Variants in MROH1 observed in about 807,000 individuals in gnomAD.
The protein encoded by MROH1 is maestro heat-like repeat-containing protein family member 1.
Under a neutral mutation model 116.5 loss-of-function variants are expected in MROH1, and 117 were observed. That is an observed-to-expected ratio of 1.00 (90% CI 0.86 to 1.17). MROH1 has a LOEUF of 1.17. Among genes scored for constraint, MROH1 ranks in the 50% most tolerant of loss-of-function variants. MROH1 has a pLI of 0.00. For missense variants in MROH1, 1,873 were observed against 1,338.5 expected (o/e 1.40, Z -6.23); for synonymous variants, 921 against 583.9 (o/e 1.58, Z -8.32).
Position 144,192,298 on chromosome 8 carries a change from AC to A in MROH1, c.856-8del. The A allele has an allele frequency of 6.3e-7, 1 of 1,580,102 alleles. No individual in the cohort carries two copies. The highest frequency in any genetic ancestry group is 8.6e-7 in the Non-Finnish European group (1 of 1,165,708). ...GTAGGACTGACGGCCTCTTCTCCCT[AC>A]CCGGAGCAGAGCCTGGGCCAGATCC... is the stretch of plus-strand genomic sequence containing the variant. On this transcript the variant is annotated splice_polypyrimidine_tract_variant and intron_variant, in intron 9 of 43. Coordinates refer to ENST00000326134, the MANE Select transcript of MROH1 (RefSeq NM_032450.3).
At chr8:144,241,325 C>T (rs1375955492) in intron 21 of MROH1, 70 bp from the exon 22 acceptor site, 22 of 718,892 alleles carry the variant, frequency 3.1e-5, no homozygotes, top group Middle Eastern at 7.3e-4. Flanking sequence ...CGTGTCCACA[C>T]GTGACAGTGT....
chr8:144,168,980 CTCTT>C (rs754943363), intron 4 of MROH1, among the ~76,000 whole-genome samples: 108 of 152,258 alleles, frequency 7.1e-4, no homozygotes, highest in Non-Finnish European at 1.3e-3. Context: ...TGGGAACTCT[CTCTT>C]CAGCCTCACA....
In MROH1 at chr8:144,245,601, T is replaced by A. The variant is rs886756180; in HGVS notation, c.2871+341T>A. Among the ~76,000 whole-genome samples the A allele has an allele frequency of 8.1e-3, 1,227 of 152,334 alleles. 19 individuals are homozygous for A. The highest frequency in any genetic ancestry group is 0.028 in the African/African-American group (1,165 of 41,570). ...AATGAGAACTTTTATCAGGAACAGG[T>A]ATTAGATTTTGCTAAATATCTTTTT... On this transcript the variant is annotated intron_variant, in intron 29 of 43. Transcript: ENST00000326134.
chr8:144,254,576 G>A lies in MROH1; in HGVS notation c.3429-237G>A, dbSNP rs1843369392. ...CACACCACTGCCCTGGGCCCTGTGTGTATAGGCCCAGATTTTTCTCTGTGT... is the reference window on the plus strand; with the variant it reads ...CACACCACTGCCCTGGGCCCTGTGTATATAGGCCCAGATTTTTCTCTGTGT... On this transcript the variant is annotated intron_variant, in intron 33 of 43. Transcript: ENST00000326134. 11 of 543,332 alleles carry A rather than the reference G, an allele frequency of 2.0e-5. No individual in the cohort carries two copies. The South Asian group carries it at 2.4e-4, about 12-fold the overall frequency. 33.7% of individuals were successfully genotyped at this position (543,332 alleles called of 1,614,324 possible). A position where few individuals can be genotyped will look rare whatever the true frequency, so the allele number is the denominator to read the frequency against.
intron 10 of MROH1, among the ~76,000 whole-genome samples, chr8:144,197,793 A>T (rs1177907282): frequency 2.9e-5 from 4 of 139,394 alleles, no homozygotes; most frequent in African/African-American, 7.8e-5. Context: ...CAAGGAGCAC[A>T]CCGGGGGCGG....
intron 8 of MROH1, 117 bp from the exon 9 acceptor site, chr8:144,191,598 A>G: frequency 7.3e-7 from 1 of 1,370,900 alleles, no homozygotes; most frequent in Non-Finnish European, 9.9e-7. Flanking sequence ...CAGCCCCCGT[A>G]GCACCCACTG....
chr8:144,179,798 T>C (rs913841521), intron 5 of MROH1, among the ~76,000 whole-genome samples: 5 of 152,142 alleles, frequency 3.3e-5, no homozygotes, highest in African/African-American at 1.2e-4. Flanking sequence ...AGAGAGCAAG[T>C]TGCCAGAACT....
intron 12 of MROH1, among the ~76,000 whole-genome samples, chr8:144,204,952 T>TTTTCC (rs1471610419): frequency 2.6e-5 from 4 of 152,248 alleles, no homozygotes; most frequent in Non-Finnish European, 4.4e-5. Flanking sequence ...TTTTCCAAAG[T>TTTTCC]AGCTGTTTAT....
At chr8:144,179,732 C>T in intron 5 of MROH1, 146 bp downstream of exon 5, 2 of 1,052,194 alleles carry the variant, frequency 1.9e-6, no homozygotes, top group Non-Finnish European at 2.7e-6. Flanking sequence ...TCTCATGCAT[C>T]ACCCTGCAGG....
chr8:144,166,099 G>A (rs1383311052), intron 3 of MROH1, among the ~76,000 whole-genome samples: 1 of 151,962 alleles, frequency 6.6e-6, no homozygotes, highest in Non-Finnish European at 1.5e-5. Flanking sequence ...GACTGGTCTT[G>A]AACTCCTGAC....
chr8:144,206,105 G>A lies in MROH1; in HGVS notation c.1141+5564G>A, dbSNP rs181756955. Among the ~76,000 whole-genome samples the A allele has an allele frequency of 2.4e-4, 36 of 152,134 alleles. No homozygotes were observed. The East Asian group carries it at 6.2e-3, about 26-fold the overall frequency. The stretch of plus-strand genomic sequence containing the variant: ...TGCTCTGTCGCCCAGGCTGGAGTGC[G>A]GTGGCACGATCACAGCTCACTGCAG... On this transcript the variant is annotated intron_variant, in intron 12 of 43. Transcript: ENST00000326134.
intron 7 of MROH1, among the ~76,000 whole-genome samples, chr8:144,186,023 C>G (rs55645001): frequency 0.89 from 134,832 of 152,170 alleles, 60,973 homozygotes; most frequent in East Asian, 1. Flanking sequence ...GAGAGTGCCA[C>G]TTCCCAGGCA....
chr8:144,261,639 C>G lies in MROH1; in HGVS notation c.4841-16C>G. On this transcript the variant is annotated splice_polypyrimidine_tract_variant and intron_variant, in intron 43 of 43. Transcript: ENST00000326134. ...GAGGTCACAGCCCGCAGGCAGCCCC[C>G]CTCCTCTACCCCCAGCGCTCCAGAT... 1 of 708,504 alleles carries G rather than the reference C, an allele frequency of 1.4e-6. No individual in the cohort carries two copies. The highest frequency in any genetic ancestry group is 2.6e-6 in the Non-Finnish European group (1 of 388,970). The allele number at this position is 708,504 out of a possible 1,614,324, so 43.9% of individuals were successfully genotyped here.
At chr8:144,178,913 G>C (rs1195769810) in intron 4 of MROH1, among the ~76,000 whole-genome samples, 1 of 152,206 alleles carries the variant, frequency 6.6e-6, no homozygotes, top group Non-Finnish European at 1.5e-5. Flanking sequence ...TGCTTAGGGG[G>C]AGGATGAAGG....
intron 12 of MROH1, chr8:144,213,001 T>C: frequency 1.3e-6 from 1 of 777,862 alleles, no homozygotes; most frequent in East Asian, 2.4e-5. Context: ...CAGGCAGCAC[T>C]AACACCAGAA....
At chr8:144,234,557 C>T (rs1449262447) in intron 14 of MROH1, among the ~76,000 whole-genome samples, 1 of 89,044 alleles carries the variant, frequency 1.1e-5, no homozygotes, top group East Asian at 4.2e-4. Flanking sequence ...TGCTCTGTCT[C>T]CCAGGCTGGA....
At position 144,242,465 on chromosome 8, in the gene MROH1, A is replaced by G; in HGVS notation, c.2275A>G (p.Lys759Glu). The change falls in exon 23 of 44, where the codon AAG becomes GAG. Residue 759 changes from lysine (K) to glutamate (E), a missense_variant. Lys to Glu is a moderately conservative substitution (Grantham distance 56). Coordinates refer to ENST00000326134, the MANE Select transcript of MROH1 (RefSeq NM_032450.3). The part of the protein sequence containing the change: ...ARAPRELVLA[K>E]VESDILRNIC... ...GGCCCCCCGGGAGCTGGTGCTGGCCAAGGTAGAGTCAGACATCCTCCGGAA... is the reference window on the plus strand; with the variant it reads ...GGCCCCCCGGGAGCTGGTGCTGGCCGAGGTAGAGTCAGACATCCTCCGGAA... 1 of 780,684 alleles carries G rather than the reference A, an allele frequency of 1.3e-6. No homozygotes were observed. 48.4% of individuals were successfully genotyped at this position (780,684 alleles called of 1,614,324 possible). A position where few individuals can be genotyped will look rare whatever the true frequency, so the allele number is the denominator to read the frequency against.
chr8:144,221,787 C>T (rs1764230362), intron 13 of MROH1, among the ~76,000 whole-genome samples: 2 of 152,114 alleles, frequency 1.3e-5, no homozygotes, highest in African/African-American at 2.4e-5. Context: ...TCCTCCACAC[C>T]CACCCTGTTC....
At position 144,254,786 on chromosome 8, in the gene MROH1, CAA is replaced by C. The variant is rs1843410147; in HGVS notation, c.3429-25_3429-24del. On this transcript the variant is annotated intron_variant, in intron 33 of 43. Transcript: ENST00000326134. ...CAGGCGCCCTGACCAGCCACGGCCTCAAAGTGACTCTCCTGCTCTGCTCCAGC... is the reference window on the plus strand; with the variant it reads ...CAGGCGCCCTGACCAGCCACGGCCTCAGTGACTCTCCTGCTCTGCTCCAGC... The C allele has an allele frequency of 1.8e-5, 14 of 759,700 alleles. No individual in the cohort carries two copies. In the South Asian group the frequency reaches 1.9e-4, roughly 10 times the overall value. The allele number at this position is 759,700 out of a possible 1,614,324, so 47.1% of individuals were successfully genotyped here. A position where few individuals can be genotyped will look rare whatever the true frequency, so the allele number is the denominator to read the frequency against.
Sources: gnomAD v4.1 joint callset for allele counts (sites outside exome capture counted in the v4.1 genomes callset) on GRCh38, gnomAD v4.1.1 for gene constraint, MANE v1.5 for transcripts, NCBI Gene and HGNC (gene_info 2026-07-23, HGNC 2026-07-21) for gene names.